BAZ1A: variants seen among roughly 807,000 people sequenced by gnomAD.
BAZ1A encodes bromodomain adjacent to zinc finger domain protein 1A.
A neutral mutation model predicts 185.2 loss-of-function variants in BAZ1A; 50 were observed. The ratio of observed to expected loss-of-function variants is 0.27; its 90% CI spans 0.22 to 0.34. The LOEUF (loss-of-function observed/expected upper bound fraction) is 0.34. Ranked by LOEUF, BAZ1A falls within the 10% of genes least tolerant of loss-of-function variation. BAZ1A has a pLI of 1.00. For synonymous variants in BAZ1A, 571 were observed against 615.6 expected (o/e 0.93, Z 1.07); for missense variants, 1,356 against 1,839.9 (o/e 0.74, Z 4.81).
At chr14:34,837,416 T>G (rs898434186) in intron 3 of BAZ1A, among the ~76,000 whole-genome samples, 3 of 150,948 alleles carry the variant, frequency 2.0e-5, no homozygotes, top group Non-Finnish European at 4.4e-5. Context: ...AATTTTTTTT[T>G]TTTGTAGAGA....
At chr14:34,872,827 G>A (rs1254189195) in intron 2 of BAZ1A, among the ~76,000 whole-genome samples, 2 of 138,266 alleles carry the variant, frequency 1.4e-5, no homozygotes, top group Admixed American at 1.6e-4. Context: ...AAAGCAGTTT[G>A]AAATTTAAGC....
intron 4 of BAZ1A, 146 bp from the exon 5 acceptor site, chr14:34,811,182 T>C (rs1266423288): frequency 1.8e-6 from 1 of 564,436 alleles, no homozygotes; most frequent in Non-Finnish European, 3.1e-6. Context: ...CTCACTCTTG[T>C]TGCCCAGGCT....
rs1326613058 is a variant in BAZ1A, at chr14:34,874,374, C to T, written c.113+118G>A. The T allele has an allele frequency of 2.0e-6, 2 of 999,006 alleles. No individual in the cohort carries two copies. The highest frequency in any genetic ancestry group is 2.6e-4 in the Middle Eastern group (1 of 3,826). 61.9% of individuals were successfully genotyped at this position (999,006 alleles called of 1,614,324 possible). A position where few individuals can be genotyped will look rare whatever the true frequency, so the allele number is the denominator to read the frequency against. The stretch of plus-strand genomic sequence containing the variant: ...AGAGAACCGCGGGCCCGGGGGCCAC[C>T]CGTCACTTTCAAGTCGCCCCGCCAG... On this transcript the variant is annotated intron_variant, in intron 2 of 26. Transcript: ENST00000360310. This position sits in a 1 kb window ranked among gnomAD's most constrained non-coding sequence, Gnocchi z 4.7.
intron 3 of BAZ1A, among the ~76,000 whole-genome samples, chr14:34,831,907 A>C (rs1295363340): frequency 6.6e-6 from 1 of 152,108 alleles, no homozygotes; most frequent in Non-Finnish European, 1.5e-5. Context: ...AGGTTATAAG[A>C]GAATACTGGC....
intron 16 of BAZ1A, among the ~76,000 whole-genome samples, 193 bp from the exon 17 acceptor site, chr14:34,780,503 CAA>C (rs898063531): frequency 7.2e-5 from 11 of 151,938 alleles, no homozygotes; most frequent in African/African-American, 2.7e-4. Flanking sequence ...AGTACTAAAA[CAA>C]GAGAAGTTCA....
chr14:34,796,161 T>TACACACAC (rs1300254990), intron 9 of BAZ1A, among the ~76,000 whole-genome samples: 1 of 78,088 alleles, frequency 1.3e-5, no homozygotes, highest in Admixed American at 1.5e-4. Context: ...CATATACATA[T>TACACACAC]ACATACACAC....
chr14:34,833,934 A>T (rs2042290483), intron 3 of BAZ1A, among the ~76,000 whole-genome samples: 1 of 152,210 alleles, frequency 6.6e-6, no homozygotes, highest in Non-Finnish European at 1.5e-5. Flanking sequence ...GAAGAGGCTC[A>T]ATTACCAATC....
intron 3 of BAZ1A, among the ~76,000 whole-genome samples, chr14:34,844,201 G>C (rs1409548934): frequency 1.2e-5 from 1 of 82,128 alleles, no homozygotes. Flanking sequence ...GCGAGACTCC[G>C]TCTCAAAAAA....
intron 2 of BAZ1A, among the ~76,000 whole-genome samples, chr14:34,865,741 T>C (rs2042847383): frequency 6.6e-6 from 1 of 152,142 alleles, no homozygotes; most frequent in South Asian, 2.1e-4. Flanking sequence ...AATCGGTGTA[T>C]ATCATCAAAA....
At chr14:34,826,681 T>C (rs1330347326) in intron 3 of BAZ1A, among the ~76,000 whole-genome samples, 1 of 152,262 alleles carries the variant, frequency 6.6e-6, no homozygotes, top group Non-Finnish European at 1.5e-5. Flanking sequence ...CCTTTGTTAA[T>C]GATTGCTAAG....
chr14:34,855,266 T>C (rs1275554611), intron 3 of BAZ1A, among the ~76,000 whole-genome samples: 1 of 152,196 alleles, frequency 6.6e-6, no homozygotes, highest in Non-Finnish European at 1.5e-5. Flanking sequence ...ACAGCAGCCA[T>C]ACTTCAACCA....
intron 3 of BAZ1A, among the ~76,000 whole-genome samples, chr14:34,847,559 T>C (rs893332741): frequency 6.6e-6 from 1 of 152,178 alleles, no homozygotes; most frequent in East Asian, 1.9e-4. Context: ...ACTCAACCCT[T>C]TCTCAAAAAC....
chr14:34,818,666 G>A (rs140947567), intron 4 of BAZ1A, among the ~76,000 whole-genome samples: 5 of 152,030 alleles, frequency 3.3e-5, no homozygotes, highest in South Asian at 2.1e-4. Flanking sequence ...ATTGCATGTC[G>A]TCCTGTCCCA....
intron 3 of BAZ1A, among the ~76,000 whole-genome samples, chr14:34,845,573 G>T (rs2042496831): frequency 6.6e-6 from 1 of 152,020 alleles, no homozygotes; most frequent in African/African-American, 2.4e-5. Context: ...TAAAAACTGG[G>T]ATCTTGGCTG....
At chr14:34,841,246 A>C (rs2042409909) in intron 3 of BAZ1A, among the ~76,000 whole-genome samples, 1 of 152,230 alleles carries the variant, frequency 6.6e-6, no homozygotes, top group African/African-American at 2.4e-5. Context: ...ATCTTTGGAG[A>C]GAAAACTAAA....
At chr14:34,782,382 ATC>A (rs770576793) in intron 16 of BAZ1A, among the ~76,000 whole-genome samples, 1 of 152,156 alleles carries the variant, frequency 6.6e-6, no homozygotes, top group Non-Finnish European at 1.5e-5. Context: ...GTCTATTCAA[ATC>A]CATTGCTCAC....
rs370910803 is a variant in BAZ1A, at chr14:34,862,066, C to T, written c.370G>A (p.Val124Ile). 65 of 1,614,046 alleles carry T rather than the reference C, an allele frequency of 4.0e-5. No individual in the cohort carries two copies. The highest frequency in any genetic ancestry group is 4.9e-5 in the Non-Finnish European group (58 of 1,180,022). The stretch of plus-strand genomic sequence containing the variant: ...TACCTTGCACCATTGTTCCTAATGA[C>T]TTCCACAGTTTCTTCGACAAAATAT... ...DRYFVEETVE[V>I]IRNNGARLQC... Residue 124 changes from valine (V) to isoleucine (I), a missense_variant, in exon 3 of 27, where the codon GTC (valine) becomes ATC (isoleucine). By Grantham distance (29) the Val-to-Ile change is conservative. Around this residue, in one of 7 missense-constraint regions of BAZ1A, gnomAD observed 332 missense variants for 395.3 expected, o/e 0.84. Transcript: ENST00000360310.
chr14:34,770,771 T>C (rs1328764713), intron 21 of BAZ1A, among the ~76,000 whole-genome samples: 1 of 152,206 alleles, frequency 6.6e-6, no homozygotes, highest in East Asian at 1.9e-4. Context: ...TATTCCTCAC[T>C]ATAAATTATA....
chr14:34,859,228 G>A (rs989575330), intron 3 of BAZ1A, among the ~76,000 whole-genome samples: 8 of 152,032 alleles, frequency 5.3e-5, no homozygotes, highest in Non-Finnish European at 2.9e-5. Flanking sequence ...TATTGTTTGA[G>A]CTCAGGAGCA....
Sources: allele counts gnomAD v4.1 joint callset (sites outside exome capture counted in the v4.1 genomes callset), GRCh38; gene constraint gnomAD v4.1.1; regional missense constraint gnomAD v4.1.1; non-coding constraint Gnocchi (gnomAD v3.1); transcripts MANE v1.5; gene names NCBI Gene and HGNC (gene_info 2026-07-23, HGNC 2026-07-21).